The following ARID2 variants were observed in gnomAD, a reference collection of about 807,000 sequenced individuals.
ARID2 encodes the protein AT-rich interactive domain-containing protein 2.
In ARID2, 32 loss-of-function variants were observed where a neutral mutation model predicts 184.6. That is an observed-to-expected ratio of 0.17 (90% confidence interval 0.13 to 0.23). ARID2 has a LOEUF of 0.23. Among genes scored for constraint, ARID2 ranks in the 10% least tolerant of loss-of-function variants. The probability of loss-of-function intolerance (pLI) is 1.00; values close to 1 mark genes in which losing one functional copy is unlikely to be tolerated. For synonymous variants in ARID2, 836 were observed against 772.6 expected, an observed-to-expected ratio of 1.08 and a Z score of -1.36; for missense variants, 1,696 against 2,197.6, an observed-to-expected ratio of 0.77 and a Z score of 4.56.
chr12:45,880,313 C>T (rs1944078420), intron 16 of ARID2, among the ~76,000 whole-genome samples: 1 of 152,022 alleles, frequency 6.6e-6, no homozygotes, highest in Non-Finnish European at 1.5e-5. Context: ...CAAATATTTC[C>T]TGTGTGAAAA....
At chr12:45,801,250 T>C (rs1189400065) in intron 3 of ARID2, among the ~76,000 whole-genome samples, 1 of 151,140 alleles carries the variant, frequency 6.6e-6, no homozygotes, top group Non-Finnish European at 1.5e-5. Flanking sequence ...AGGTGGAGTT[T>C]GCAGTGAGCC....
chr12:45,810,638 G>A (rs542601272), intron 3 of ARID2, among the ~76,000 whole-genome samples: 2 of 152,218 alleles, frequency 1.3e-5, no homozygotes, highest in South Asian at 2.1e-4. Flanking sequence ...GGTATATTTA[G>A]ACCTCTAAAA....
chr12:45,770,314 T>G (rs996635512), intron 3 of ARID2, among the ~76,000 whole-genome samples: 4 of 151,618 alleles, frequency 2.6e-5, no homozygotes, highest in Non-Finnish European at 4.4e-5. Flanking sequence ...TAAACAAAAC[T>G]CAGAGAATTT....
At chr12:45,767,505 C>T (rs1288048494) in intron 3 of ARID2, among the ~76,000 whole-genome samples, 1 of 151,972 alleles carries the variant, frequency 6.6e-6, no homozygotes, top group Non-Finnish European at 1.5e-5. Context: ...TCTCTGAAGA[C>T]TGGGCAGGAA....
rs886106327 is a variant in ARID2 at position 45,888,247 on chromosome 12, A to AT, written c.4923-3526dup. On this transcript the variant is annotated intron_variant, in intron 16 of 20. Transcript: ENST00000334344. ...TGAACTTATTTTTTCAGTAATAAGC[A>AT]TTTTTTTCAGAGACAAATGTAAGAT... 1.9e-4 allele frequency among the ~76,000 whole-genome samples: 29 copies of AT among 152,146 alleles called. 1 individual carries two copies. The highest frequency in any genetic ancestry group is 7.0e-4 in the African/African-American group (29 of 41,514).
intron 3 of ARID2, among the ~76,000 whole-genome samples, chr12:45,796,185 T>A (rs1028685459): frequency 6.6e-6 from 1 of 152,028 alleles, no homozygotes; most frequent in Admixed American, 6.5e-5. Flanking sequence ...AATTCAAAAA[T>A]TTTTAATATA....
At chr12:45,730,421 CG>C (rs1940961780) in intron 2 of ARID2, among the ~76,000 whole-genome samples, 1 of 139,524 alleles carries the variant, frequency 7.2e-6, no homozygotes, top group Non-Finnish European at 1.6e-5. Context: ...AGCGCCGCGG[CG>C]GGGAATGCGG....
intron 3 of ARID2, among the ~76,000 whole-genome samples, chr12:45,745,826 GGCATGAGCCACTGC>G (rs1191019124): frequency 3.3e-5 from 5 of 152,150 alleles, no homozygotes; most frequent in African/African-American, 1.2e-4. Context: ...TGGGATTACA[GGCATGAGCCACTGC>G]GCCTGGCCTG....
In ARID2 at chr12:45,788,467, T is replaced by TCTCTC. The variant is rs1325825581; in HGVS notation, c.285-22949_285-22948insCTCCT. 2.0e-5 allele frequency among the ~76,000 whole-genome samples: 3 copies of TCTCTC among 152,208 alleles called. 1 individual carries two copies. The highest frequency in any genetic ancestry group is 2.9e-5 in the Non-Finnish European group (2 of 68,036). On this transcript the variant is annotated intron_variant, in intron 3 of 20. Transcript: ENST00000334344. ...AAGCATACTCTATGACCCTGATGTA[T>TCTCTC]CTTTATTTTATAAAGAAATTGTTAA...
rs185761311 is a variant in ARID2, at chr12:45,747,011, C to T, written c.284+15697C>T. Among the ~76,000 whole-genome samples the T allele has an allele frequency of 5.5e-3, 840 of 152,254 alleles. 7 individuals are homozygous for T. Among genetic ancestry groups the T allele is most frequent in the African/African-American group, 0.019 (799 of 41,564 alleles). On this transcript the variant is annotated intron_variant, in intron 3 of 20. Transcript: ENST00000334344. ...TTCTCGAACTCCTGACCTTGTGATC[C>T]GCCCGCCTCAGCCTCCCAAAGTGTT...
chr12:45,738,516 G>C (rs1941175726), intron 3 of ARID2, among the ~76,000 whole-genome samples: 2 of 151,948 alleles, frequency 1.3e-5, no homozygotes, highest in Non-Finnish European at 2.9e-5. Flanking sequence ...GTTTCAGTTG[G>C]CCAAGCTGGT....
At chr12:45,807,301 T>G (rs1197899968) in intron 3 of ARID2, among the ~76,000 whole-genome samples, 1 of 152,212 alleles carries the variant, frequency 6.6e-6, no homozygotes, top group South Asian at 2.1e-4. Flanking sequence ...TTTGTTAATA[T>G]GGAAGTGTTT....
chr12:45,903,788 T>G (rs897604519), intron 20 of ARID2, among the ~76,000 whole-genome samples: 7 of 152,230 alleles, frequency 4.6e-5, no homozygotes, highest in Admixed American at 4.6e-4. Flanking sequence ...CTCCTGTAGT[T>G]TCTTTTATTC....
At chr12:45,853,126 C>T (rs1483340231) in intron 15 of ARID2, among the ~76,000 whole-genome samples, 2 of 152,156 alleles carry the variant, frequency 1.3e-5, no homozygotes, top group African/African-American at 4.8e-5. Flanking sequence ...TAATAATTTT[C>T]TAGGCCCAAG....
At chr12:45,858,317 C>T (rs949169926) in intron 15 of ARID2, among the ~76,000 whole-genome samples, 5 of 152,082 alleles carry the variant, frequency 3.3e-5, no homozygotes, top group African/African-American at 9.6e-5. Context: ...ACTGTGATCA[C>T]GCCATTGCAC....
At chr12:45,737,889 C>G (rs991197493) in intron 3 of ARID2, among the ~76,000 whole-genome samples, 1 of 152,114 alleles carries the variant, frequency 6.6e-6, no homozygotes, top group Non-Finnish European at 1.5e-5. Context: ...CTTGGACACA[C>G]TTATACTTTG....
At chr12:45,808,544 C>T (rs1942642216) in intron 3 of ARID2, among the ~76,000 whole-genome samples, 1 of 151,898 alleles carries the variant, frequency 6.6e-6, no homozygotes, top group African/African-American at 2.4e-5. Context: ...CCTAATGAAA[C>T]TTTGAATTAT....
intron 20 of ARID2, among the ~76,000 whole-genome samples, chr12:45,903,475 C>T (rs1402144601): frequency 6.6e-6 from 1 of 152,128 alleles, no homozygotes; most frequent in African/African-American, 2.4e-5. Flanking sequence ...ACTCCATGTA[C>T]TTGCCAACAT....
Position 45,782,628 on chromosome 12 carries a change from T to C in ARID2, c.285-28790T>C, listed in dbSNP as rs567665925. ...GCCTGGGCGACAGAGCGAGACTCTG[T>C]CTCAAAAAAATTTTTTTGAATCAAA... On this transcript the variant is annotated intron_variant, in intron 3 of 20. Transcript: ENST00000334344. 1.8e-3 allele frequency among the ~76,000 whole-genome samples: 267 copies of C among 152,216 alleles called. 1 individual carries two copies. The highest frequency in any genetic ancestry group is 3.1e-3 in the Non-Finnish European group (213 of 68,010).
Sources: allele counts gnomAD v4.1 joint callset (sites outside exome capture counted in the v4.1 genomes callset), GRCh38; gene constraint gnomAD v4.1.1; transcripts MANE v1.5; gene names NCBI Gene and HGNC (gene_info 2026-07-23, HGNC 2026-07-21).